The following SEMA7A variants were observed in gnomAD, a reference collection of about 807,000 sequenced individuals.
SEMA7A encodes the protein semaphorin-7A.
SEMA7A carries 21 observed loss-of-function variants against 67.5 expected under a neutral mutation model. The observed-to-expected ratio is 0.31, with a 90% confidence interval of 0.22 to 0.45. The LOEUF (loss-of-function observed/expected upper bound fraction) is 0.45, where lower values mean the gene tolerates loss of function less well. Among genes scored for constraint, SEMA7A ranks in the 20% least tolerant of loss-of-function variants. SEMA7A has a pLI of 1.00. For synonymous variants in SEMA7A, 364 were observed against 368.5 expected (o/e 0.99, Z 0.14); for missense variants, 774 against 908.6 (o/e 0.85, Z 1.90).
chr15:74,414,414 C>T lies in SEMA7A; in HGVS notation c.1294+133G>A, dbSNP rs550480663. 2.0e-6 allele frequency: 2 copies of T among 976,018 alleles called. No individual in the cohort carries two copies. Among genetic ancestry groups the T allele is most frequent in the African/African-American group, 1.6e-5 (1 of 61,572 alleles). 60.5% of individuals were successfully genotyped at this position (976,018 alleles called of 1,614,324 possible). ...ACTCTTCCACACCCACACACATTAA[C>T]CCCTGACAACTCCAGTCACTCAATT... On this transcript the variant is annotated intron_variant, in intron 10 of 13. Coordinates refer to ENST00000261918, the MANE Select transcript of SEMA7A (RefSeq NM_003612.5). This position sits in a 1 kb window ranked among gnomAD's most constrained non-coding sequence, Gnocchi z 4.1.
chr15:74,417,197 G>T, intron 6 of SEMA7A, 138 bp downstream of exon 6: 2 of 707,962 alleles, frequency 2.8e-6, no homozygotes, highest in Non-Finnish European at 2.5e-6. Context: ...AACTTCTCAG[G>T]CCTATACCAA....
chr15:74,416,682 G>C lies in SEMA7A; in HGVS notation c.694C>G (p.Gln232Glu). 3.1e-6 allele frequency: 5 copies of C among 1,614,068 alleles called. No individual in the cohort carries two copies. Among genetic ancestry groups the C allele is most frequent in the Non-Finnish European group, 3.4e-6 (4 of 1,179,976 alleles). ...ATCTTGTCATCGTAAGCCTGGTCTTGGTGCACGATGGTGGCTTTGATGAAC... is the reference window on the plus strand; with the variant it reads ...ATCTTGTCATCGTAAGCCTGGTCTTCGTGCACGATGGTGGCTTTGATGAAC... ...PQFIKATIVH[Q>E]DQAYDDKIYY... The change falls in exon 7 of 14, where the codon CAA (glutamine) becomes GAA (glutamate). Residue 232 changes from glutamine to glutamate, a missense_variant. Physicochemically the swap from Gln to Glu is conservative, Grantham distance 29 (BLOSUM62 2). Transcript: ENST00000261918.
rs1403470329 is a variant in SEMA7A, at chr15:74,411,333, G to A, written c.1601C>T (p.Pro534Leu). 1.2e-6 allele frequency: 2 copies of A among 1,614,048 alleles called. No individual in the cohort carries two copies. Among genetic ancestry groups the A allele is most frequent in the Non-Finnish European group, 1.7e-6 (2 of 1,179,968 alleles). ...GGGACACTCCTTGTGTGGCTCGGCT[G>A]GATTAATGGATTGCAGCACTGACCT... is the stretch of plus-strand genomic sequence containing the variant. ...SERSVLQSIN[P>L]AEPHKECPNP... The change falls in exon 13 of 14, where the codon CCA becomes CTA. Residue 534 changes from proline to leucine, a missense_variant. Around this residue, in one of 2 missense-constraint regions of SEMA7A, gnomAD observed 427 missense variants for 555.4 expected, o/e 0.77. Transcript: ENST00000261918. This position sits in a 1 kb window ranked among gnomAD's most constrained non-coding sequence, Gnocchi z 4.4.
intron 2 of SEMA7A, among the ~76,000 whole-genome samples, 186 bp from the exon 3 acceptor site, chr15:74,418,495 T>A (rs1169018359): frequency 3.3e-5 from 5 of 152,206 alleles, no homozygotes; most frequent in Non-Finnish European, 7.3e-5. Context: ...TATCCAGAGC[T>A]GAGGCCCAGA....
rs748191673 is a variant in SEMA7A at position 74,415,943 on chromosome 15, T to A, written c.844A>T (p.Asn282Tyr). 6.2e-7 allele frequency: 1 copy of A among 1,614,058 alleles called. No homozygotes were observed. The highest frequency in any genetic ancestry group is 8.5e-7 in the Non-Finnish European group (1 of 1,179,960). The change falls in exon 8 of 14, where the codon AAC (asparagine) becomes TAC (tyrosine). Residue 282 changes from asparagine (N) to tyrosine (Y), a missense_variant. Physicochemically the swap from Asn to Tyr is moderately radical, Grantham distance 143. Coordinates refer to ENST00000261918, the MANE Select transcript of SEMA7A (RefSeq NM_003612.5). ...GESSLSVSKW[N>Y]TFLKAMLVCS... Reference sequence around the variant, plus strand: ...ACCAGCATGGCTTTCAGAAAAGTGTTCCACTTGGAGACTGACAGTGAACTT... The same window carrying A: ...ACCAGCATGGCTTTCAGAAAAGTGTACCACTTGGAGACTGACAGTGAACTT...
In SEMA7A at chr15:74,410,303, C is replaced by T. The variant is rs1307671762; in HGVS notation, c.*321G>A. 6.3e-6 allele frequency: 2 copies of T among 318,256 alleles called. No homozygotes were observed. The highest frequency in any genetic ancestry group is 4.3e-5 in the African/African-American group (2 of 46,496). The allele number at this position is 318,256 out of a possible 1,614,324, so 19.7% of individuals were successfully genotyped here. On this transcript the variant is annotated 3_prime_UTR_variant, in exon 14 of 14. Transcript: ENST00000261918. This position sits in a 1 kb window ranked among gnomAD's most constrained non-coding sequence, Gnocchi z 7.5. ...CCAAACCCACTCCCCGACCCATGGG[C>T]TCTTGGGCTGGGAGCATCGCTGCAT...
At position 74,423,891 on chromosome 15, in the gene SEMA7A, G is replaced by A. The variant is rs1359572647; in HGVS notation, c.179-4939C>T. ...GGCTCGGTGCTAAGGATAGGTCATG[G>A]TTGCAGGTGGGTCCTGGCAACTCTC... On this transcript the variant is annotated intron_variant, in intron 1 of 13. Transcript: ENST00000261918. The surrounding 1 kb of genome is among the most constrained non-coding windows in gnomAD (Gnocchi z 4.1). 6.6e-6 allele frequency among the ~76,000 whole-genome samples: 1 copy of A among 152,232 alleles called. No homozygotes were observed. Among genetic ancestry groups the A allele is most frequent in the Admixed American group, 6.5e-5 (1 of 15,286 alleles).
chr15:74,413,832 C>T (rs996591684), intron 10 of SEMA7A, among the ~76,000 whole-genome samples: 1 of 152,186 alleles, frequency 6.6e-6, no homozygotes, highest in Non-Finnish European at 1.5e-5. Context: ...GGCGCCTGGG[C>T]CTGAATTGAA....
chr15:74,415,018 G>A, intron 8 of SEMA7A, 72 bp from the exon 9 acceptor site: 1 of 1,284,116 alleles, frequency 7.8e-7, no homozygotes, highest in Non-Finnish European at 1.1e-6. Context: ...ACCCAGGCCA[G>A]CCTTGTGCCT....
chr15:74,415,811 A>G lies in SEMA7A; in HGVS notation c.976T>C (p.Ser326Pro). The G allele has an allele frequency of 6.2e-7, 1 of 1,612,974 alleles. No homozygotes were observed. Among genetic ancestry groups the G allele is most frequent in the East Asian group, 2.2e-5 (1 of 44,860 alleles). The change falls in exon 8 of 14, where the codon TCC becomes CCC. Residue 326 changes from serine (S) to proline (P), a missense_variant. By Grantham distance (74) the Ser-to-Pro change is moderately conservative (BLOSUM62 -1). Transcript: ENST00000261918. ...ACAAGGGCCACTCACCAGGGGTTGG[A>G]GAAAACACCATAGACCCTGGTGTCC... ...WRDTRVYGVF[S>P]NPWNYSAVCV...
In SEMA7A at chr15:74,414,267, C is replaced by G. The variant is rs1182844584; in HGVS notation, c.1294+280G>C. On this transcript the variant is annotated intron_variant, in intron 10 of 13. Coordinates refer to ENST00000261918, the MANE Select transcript of SEMA7A (RefSeq NM_003612.5). This position sits in a 1 kb window ranked among gnomAD's most constrained non-coding sequence, Gnocchi z 4.1. ...TCTTCCCTGAGTCAGACATCTGGACCAAAGGTGCACCTGGCTTTGCTCAGA... is the reference window on the plus strand; with the variant it reads ...TCTTCCCTGAGTCAGACATCTGGACGAAAGGTGCACCTGGCTTTGCTCAGA... Among the ~76,000 whole-genome samples the G allele has an allele frequency of 6.6e-6, 1 of 152,174 alleles. No individual in the cohort carries two copies. The highest frequency in any genetic ancestry group is 2.4e-5 in the African/African-American group (1 of 41,446).
At chr15:74,419,468 C>T (rs1567075060) in intron 1 of SEMA7A, among the ~76,000 whole-genome samples, 1 of 152,184 alleles carries the variant, frequency 6.6e-6, no homozygotes, top group African/African-American at 2.4e-5. Context: ...ATGCTCAGAA[C>T]CCCTTCTCCT....
intron 1 of SEMA7A, among the ~76,000 whole-genome samples, chr15:74,425,472 CCCT>C (rs374556807): frequency 1.6e-3 from 245 of 152,232 alleles, no homozygotes; most frequent in African/African-American, 5.9e-3. Flanking sequence ...CAGAGATGAG[CCCT>C]TGGAGGCTTC....
At position 74,414,224 on chromosome 15, in the gene SEMA7A, C is replaced by T. The variant is rs28362921; in HGVS notation, c.1294+323G>A. Reference sequence around the variant, plus strand: ...TCAGGCCCCTCCTCCTCATTTGCCACGTCTCTTCCTACCATCTTCTTCCCT... The same window carrying T: ...TCAGGCCCCTCCTCCTCATTTGCCATGTCTCTTCCTACCATCTTCTTCCCT... On this transcript the variant is annotated intron_variant, in intron 10 of 13. Coordinates refer to ENST00000261918, the MANE Select transcript of SEMA7A (RefSeq NM_003612.5). This position sits in a 1 kb window ranked among gnomAD's most constrained non-coding sequence, Gnocchi z 4.1. Among the ~76,000 whole-genome samples, 20,461 of 152,150 alleles carry T rather than the reference C, an allele frequency of 0.13. 2,505 individuals carry two copies. The highest frequency in any genetic ancestry group is 0.33 in the African/African-American group (13,559 of 41,444).
In SEMA7A at chr15:74,417,340, A is replaced by G. The variant is rs1377291519; in HGVS notation, c.656T>C (p.Met219Thr). The G allele has an allele frequency of 1.2e-5, 20 of 1,613,260 alleles. No individual in the cohort carries two copies. The highest frequency in any genetic ancestry group is 1.6e-5 in the Non-Finnish European group (19 of 1,179,566). The change falls in exon 6 of 14, where the codon ATG becomes ACG. Residue 219 changes from methionine to threonine, a missense_variant. Coordinates refer to ENST00000261918, the MANE Select transcript of SEMA7A (RefSeq NM_003612.5). ...CCAGCCGGAGCCTGACTCACTCTGC[A>G]TGACAGTATCACTGGTGTACAGCTC... is the stretch of plus-strand genomic sequence containing the variant. Reference protein sequence around the residue: ...ESELYTSDTVMQNPQFIKATI... With the variant: ...ESELYTSDTVTQNPQFIKATI...
At chr15:74,415,436 G>A (rs1424149739) in intron 8 of SEMA7A, among the ~76,000 whole-genome samples, 1 of 152,048 alleles carries the variant, frequency 6.6e-6, no homozygotes, top group Non-Finnish European at 1.5e-5. Flanking sequence ...TGAATTATCG[G>A]GCTCAGGCAG....
rs1466492302 is a variant in SEMA7A, at chr15:74,411,704, G to A, written c.1429C>T (p.Leu477=). The change falls in exon 12 of 14, where the codon CTG becomes TTG. Residue 477 remains leucine (L), a synonymous_variant. Transcript: ENST00000261918. The surrounding 1 kb of genome is among the most constrained non-coding windows in gnomAD (Gnocchi z 4.4). ...TMSLDAERRK[L]YVSSQWEVSQ... is the part of the protein sequence containing the mutation. Reference sequence around the variant, plus strand: ...ACCTCCCACTGGGAGCTCACATACAGCTTCCTCTGGAAGGACAGCAGGATT... The same window carrying A: ...ACCTCCCACTGGGAGCTCACATACAACTTCCTCTGGAAGGACAGCAGGATT... The A allele has an allele frequency of 1.2e-6, 2 of 1,612,984 alleles. No homozygotes were observed. The highest frequency in any genetic ancestry group is 2.2e-5 in the East Asian group (1 of 44,888).
intron 2 of SEMA7A, 46 bp downstream of exon 2, chr15:74,418,755 G>A (rs529346090): frequency 8.8e-6 from 14 of 1,597,244 alleles, no homozygotes; most frequent in East Asian, 2.2e-5. Flanking sequence ...GGGCCAGAGG[G>A]GAGATAAGAG....
At position 74,433,884 on chromosome 15, in the gene SEMA7A, C is replaced by G; in HGVS notation, c.35G>C (p.Ser12Thr). ...GCCAGGGACGCGGGCGCGCGGTGCG[C>G]TGGGGGCGGCACGTCCGGGCGGAGG... ...TPPPPGRAAPSAPRARVPGPP... is the reference protein window; with the variant it reads ...TPPPPGRAAPTAPRARVPGPP... The change falls in exon 1 of 14, where the codon AGC becomes ACC. Residue 12 changes from serine (S) to threonine (T), a missense_variant. Physicochemically the swap from Ser to Thr is moderately conservative, Grantham distance 58. This residue lies in a region of SEMA7A where 347 missense variants were observed against 353.2 expected (regional missense o/e 0.98). Transcript: ENST00000261918. 1 of 1,269,638 alleles carries G rather than the reference C, an allele frequency of 7.9e-7. No individual in the cohort carries two copies. Among genetic ancestry groups the G allele is most frequent in the Non-Finnish European group, 9.9e-7 (1 of 1,013,058 alleles). The allele number at this position is 1,269,638 out of a possible 1,614,324, so 78.6% of individuals were successfully genotyped here. A position where few individuals can be genotyped will look rare whatever the true frequency, so the allele number is the denominator to read the frequency against.
Sources: gnomAD v4.1 joint callset for allele counts (sites outside exome capture counted in the v4.1 genomes callset) on GRCh38, gnomAD v4.1.1 for gene constraint, gnomAD v4.1.1 regional missense constraint, Gnocchi (gnomAD v3.1) non-coding constraint, MANE v1.5 for transcripts, NCBI Gene and HGNC (gene_info 2026-07-23, HGNC 2026-07-21) for gene names.